ATAD2: variants seen among roughly 807,000 people sequenced by gnomAD.
The protein encoded by ATAD2 is ATPase family AAA domain containing 2.
In ATAD2, 62 loss-of-function variants were observed where a neutral mutation model predicts 168.9. The observed-to-expected ratio is 0.37, with a 90% CI of 0.30 to 0.45. The LOEUF is 0.45. Among genes scored for constraint, ATAD2 ranks in the 20% least tolerant of loss-of-function variants. The probability of loss-of-function intolerance (pLI) is 1.00; values close to 1 mark genes in which losing one functional copy is unlikely to be tolerated. For synonymous variants in ATAD2, 613 were observed against 571.6 expected, an observed-to-expected ratio of 1.07 and a Z score of -1.03; for missense variants, 1,419 against 1,667.8, an observed-to-expected ratio of 0.85 and a Z score of 2.60.
At chr8:123,357,766 T>A in intron 11 of ATAD2, 30 bp from the exon 12 acceptor site, 1 of 1,536,992 alleles carries the variant, frequency 6.5e-7, no homozygotes, top group South Asian at 1.2e-5. Context: ...CATTTTAGTA[T>A]TACATTTAAA....
upstream of ATAD2, among the ~76,000 whole-genome samples, chr8:123,398,857 A>T (rs560755353): frequency 1.3e-5 from 2 of 152,268 alleles, no homozygotes; most frequent in Non-Finnish European, 2.9e-5. Context: ...ATAGAAAAAA[A>T]CTTTAAAATA....
At chr8:123,345,636 C>T (rs1254182737) in intron 18 of ATAD2, among the ~76,000 whole-genome samples, 1 of 152,040 alleles carries the variant, frequency 6.6e-6, no homozygotes, top group Non-Finnish European at 1.5e-5. Context: ...GAGCCAGGAT[C>T]GTGCCACTGC....
At position 123,360,932 on chromosome 8, in the gene ATAD2, A is replaced by G. The variant is rs193235848; in HGVS notation, c.1157+607T>C. Among the ~76,000 whole-genome samples, 74 of 148,018 alleles carry G rather than the reference A, an allele frequency of 5.0e-4. No individual in the cohort carries two copies. The East Asian group carries it at 0.011, about 22-fold the overall frequency. On this transcript the variant is annotated intron_variant, in intron 9 of 27. Coordinates refer to ENST00000287394, the MANE Select transcript of ATAD2 (RefSeq NM_014109.4). Reference sequence around the variant, plus strand: ...GAGTTCCTCAGAACTTATCATTATTATAAGCAAAAAAAAAAAAAAAATACA... The same window carrying G: ...GAGTTCCTCAGAACTTATCATTATTGTAAGCAAAAAAAAAAAAAAAATACA...
At chr8:123,380,293 T>TC (rs1180292466) in intron 2 of ATAD2, among the ~76,000 whole-genome samples, 47 of 152,112 alleles carry the variant, frequency 3.1e-4, no homozygotes, top group Admixed American at 2.0e-4. Context: ...CCTCAGGTGA[T>TC]CTGTCTGCCT....
chr8:123,359,050 AG>A (rs1828732071), intron 11 of ATAD2, among the ~76,000 whole-genome samples, 170 bp downstream of exon 11: 2 of 152,122 alleles, frequency 1.3e-5, no homozygotes, highest in African/African-American at 2.4e-5. Flanking sequence ...AATTTTTAAA[AG>A]TTTATTTAAA....
At chr8:123,390,007 CT>C (rs2129938393) in intron 1 of ATAD2, among the ~76,000 whole-genome samples, 1 of 98,208 alleles carries the variant, frequency 1.0e-5, no homozygotes, top group East Asian at 2.5e-4. Context: ...TAGACAGAGT[CT>C]TGCTCTCTTG....
chr8:123,366,091 T>A (rs111929902), intron 8 of ATAD2, among the ~76,000 whole-genome samples: 1,813 of 151,894 alleles, frequency 0.012, 40 homozygotes, highest in African/African-American at 0.042. Flanking sequence ...AACAATCCCA[T>A]CAAAAAGTGG....
At position 123,374,674 on chromosome 8, in the gene ATAD2, C is replaced by T. The variant is rs577017759; in HGVS notation, c.321-1988G>A. ...CATACAGTCTCCTCTGTCACAGCTA[C>T]CTAACATTATAGGGTGAAAGGAGCC... On this transcript the variant is annotated intron_variant, in intron 2 of 27. Coordinates refer to ENST00000287394, the MANE Select transcript of ATAD2 (RefSeq NM_014109.4). Among the ~76,000 whole-genome samples the T allele has an allele frequency of 2.4e-3, 358 of 152,246 alleles. 1 individual carries two copies. Among genetic ancestry groups the T allele is most frequent in the Non-Finnish European group, 4.3e-3 (293 of 68,030 alleles).
intron 1 of ATAD2, chr8:123,380,987 A>G: frequency 4.1e-6 from 1 of 245,856 alleles, no homozygotes; most frequent in South Asian, 6.5e-5. Context: ...AAGTTGCAAT[A>G]GTTTATTATA....
At chr8:123,345,159 G>A in intron 18 of ATAD2, 90 bp from the exon 19 acceptor site, 1 of 1,225,376 alleles carries the variant, frequency 8.2e-7, no homozygotes, top group East Asian at 2.4e-5. Flanking sequence ...TAACCTCCCA[G>A]GAGTAACATA....
chr8:123,351,840 C>T (rs1364194252), intron 13 of ATAD2, among the ~76,000 whole-genome samples: 2 of 151,782 alleles, frequency 1.3e-5, no homozygotes, highest in African/African-American at 2.4e-5. Context: ...CTCCGCCTCC[C>T]GGGTTCGTGC....
intron 2 of ATAD2, among the ~76,000 whole-genome samples, chr8:123,374,355 A>AAAAC (rs151095665): frequency 0.011 from 1,639 of 152,282 alleles, 18 homozygotes; most frequent in Non-Finnish European, 0.015. Context: ...GTCCATCTCA[A>AAAAC]AAACAAACAA....
chr8:123,362,136 A>G lies in ATAD2; in HGVS notation c.1050-490T>C, dbSNP rs898859267. Among the ~76,000 whole-genome samples, 4 of 152,088 alleles carry G rather than the reference A, an allele frequency of 2.6e-5. No homozygotes were observed. The East Asian group carries it at 7.7e-4, about 29-fold the overall frequency. On this transcript the variant is annotated intron_variant, in intron 8 of 27. Coordinates refer to ENST00000287394, the MANE Select transcript of ATAD2 (RefSeq NM_014109.4). ...CAAGATTTGGTCTCTACTAAAAATCAAAAAGCTTAGACAGGTATGGTTGTA... is the reference window on the plus strand; with the variant it reads ...CAAGATTTGGTCTCTACTAAAAATCGAAAAGCTTAGACAGGTATGGTTGTA...
Position 123,357,636 on chromosome 8 carries a change from T to A in ATAD2, c.1483A>T (p.Met495Leu). ...SQGDKRVAFFMRKGADCLSKW... is the reference protein window; with the variant it reads ...SQGDKRVAFFLRKGADCLSKW... ...CTTAGACAATCAGCACCTTTCCTCA[T>A]GAAAAATGCTACTCTTTTATCCCCT... The change falls in exon 12 of 28, where the codon ATG (methionine) becomes TTG (leucine). Residue 495 changes from methionine to leucine, a missense_variant. Coordinates refer to ENST00000287394, the MANE Select transcript of ATAD2 (RefSeq NM_014109.4). 6.2e-7 allele frequency: 1 copy of A among 1,614,088 alleles called. No individual in the cohort carries two copies. Among genetic ancestry groups the A allele is most frequent in the Non-Finnish European group, 8.5e-7 (1 of 1,179,974 alleles).
intron 18 of ATAD2, 70 bp downstream of exon 18, chr8:123,346,016 A>C: frequency 7.9e-7 from 1 of 1,260,800 alleles, no homozygotes; most frequent in Non-Finnish European, 1.1e-6. Flanking sequence ...ACAATACAAA[A>C]AAATGGGGCA....
chr8:123,323,209 T>A, intron 26 of ATAD2, 143 bp from the exon 27 acceptor site: 2 of 772,956 alleles, frequency 2.6e-6, no homozygotes, highest in Non-Finnish European at 3.9e-6. Context: ...CCTCTGGCAG[T>A]GGCTCTGACA....
intron 1 of ATAD2, among the ~76,000 whole-genome samples, chr8:123,414,932 C>T (rs1020330233): frequency 2.0e-5 from 3 of 152,134 alleles, no homozygotes; most frequent in South Asian, 2.1e-4. Context: ...TTCCATTCAT[C>T]GTGCTTTGTT....
chr8:123,336,581 C>T (rs372079128), intron 21 of ATAD2, 49 bp from the exon 22 acceptor site: 1 of 1,400,272 alleles, frequency 7.1e-7, no homozygotes, highest in Non-Finnish European at 9.4e-7. Flanking sequence ...CTAAACATAA[C>T]ATGTGAGTCA....
chr8:123,322,971 A>G lies in ATAD2; in HGVS notation c.4098T>C (p.His1366=). The change falls in exon 27 of 28, where the codon CAT becomes CAC. Residue 1366 remains histidine, a synonymous_variant. Coordinates refer to ENST00000287394, the MANE Select transcript of ATAD2 (RefSeq NM_014109.4). ...YAVISQCIYR[H]RKDHDKTSLI... is the part of the protein sequence containing the mutation. ...GTGATGTTTTATCATGGTCCTTGCG[A>G]TGCCGATAAATACATTGGCTGATTA... 4 of 1,613,966 alleles carry G rather than the reference A, an allele frequency of 2.5e-6. No individual in the cohort carries two copies. Among genetic ancestry groups the G allele is most frequent in the Non-Finnish European group, 3.4e-6 (4 of 1,179,924 alleles).
Sources: allele counts gnomAD v4.1 joint callset (sites outside exome capture counted in the v4.1 genomes callset), GRCh38; gene constraint gnomAD v4.1.1; transcripts MANE v1.5; gene names NCBI Gene and HGNC (gene_info 2026-07-23, HGNC 2026-07-21).